Variants in MMS22L observed in about 807,000 individuals in gnomAD.
The protein encoded by MMS22L is protein MMS22-like.
Under a neutral mutation model 159.1 loss-of-function variants are expected in MMS22L, and 74 were observed. The observed-to-expected ratio is 0.47, with a 90% CI of 0.39 to 0.56. The LOEUF is 0.56. MMS22L is among the 20% of genes least tolerant of loss of function. MMS22L has a pLI of 0.00. For synonymous variants in MMS22L, 517 were observed against 506.9 expected (o/e 1.02, Z -0.27); for missense variants, 1,351 against 1,422.1 (o/e 0.95, Z 0.80).
chr6:97,194,335 C>T (rs1053576190), intron 14 of MMS22L, among the ~76,000 whole-genome samples: 3 of 152,172 alleles, frequency 2.0e-5, no homozygotes, highest in African/African-American at 4.8e-5. Context: ...GGATTCTAGG[C>T]GTTAGCCACC....
intron 22 of MMS22L, 124 bp downstream of exon 22, chr6:97,161,878 G>C: frequency 1.2e-6 from 1 of 852,136 alleles, no homozygotes; most frequent in Non-Finnish European, 1.8e-6. Flanking sequence ...CTTTAACCAT[G>C]ACCCATATCA....
chr6:97,173,207 A>C lies in MMS22L; in HGVS notation c.2695T>G (p.Tyr899Asp). 6.2e-7 allele frequency: 1 copy of C among 1,613,086 alleles called. No individual in the cohort carries two copies. Among genetic ancestry groups the C allele is most frequent in the Non-Finnish European group, 8.5e-7 (1 of 1,179,664 alleles). Reference sequence around the variant, plus strand: ...TCAGAAAGTGTCTGGACGTTCCCGTAAGTTACACCAACAGCCTATAAATAA... The same window carrying C: ...TCAGAAAGTGTCTGGACGTTCCCGTCAGTTACACCAACAGCCTATAAATAA... ...VRFFEAVGVT[Y>D]GNVQTLSDKS... Residue 899 changes from tyrosine to aspartate, a missense_variant, in exon 19 of 25, where the codon TAC becomes GAC. Transcript: ENST00000683635.
chr6:97,246,308 A>G (rs1812636557), intron 11 of MMS22L, among the ~76,000 whole-genome samples: 1 of 152,190 alleles, frequency 6.6e-6, no homozygotes, highest in Non-Finnish European at 1.5e-5. Flanking sequence ...TTCAATGCCA[A>G]TGACTATCTC....
At chr6:97,149,350 A>C (rs1420621382) in intron 24 of MMS22L, among the ~76,000 whole-genome samples, 2 of 152,174 alleles carry the variant, frequency 1.3e-5, no homozygotes, top group African/African-American at 2.4e-5. Context: ...CACTATTTTC[A>C]GTTGAGTTAT....
intron 16 of MMS22L, 33 bp from the exon 17 acceptor site, chr6:97,179,592 CA>C: frequency 1.3e-6 from 2 of 1,571,836 alleles, no homozygotes; most frequent in South Asian, 2.4e-5. Flanking sequence ...ATTTTTAAAA[CA>C]AAAACGTTTC....
intron 4 of MMS22L, among the ~76,000 whole-genome samples, chr6:97,276,765 C>A (rs754624441): frequency 1.1e-4 from 17 of 152,224 alleles, no homozygotes; most frequent in South Asian, 2.1e-4. Flanking sequence ...AGACCCAGAT[C>A]TGGCATCATT....
intron 14 of MMS22L, among the ~76,000 whole-genome samples, chr6:97,215,091 A>AATATATATATATATATAT (rs1167446221): frequency 1.5e-4 from 21 of 141,276 alleles, no homozygotes; most frequent in Middle Eastern, 3.6e-3. Context: ...TCATGTTTTA[A>AATATATATATATATATAT]ATATATATAT....
chr6:97,226,033 C>T (rs1322065961), intron 14 of MMS22L, among the ~76,000 whole-genome samples: 1 of 152,146 alleles, frequency 6.6e-6, no homozygotes, highest in East Asian at 1.9e-4. Context: ...AATGCACATA[C>T]ACCAATTCAT....
intron 21 of MMS22L, among the ~76,000 whole-genome samples, chr6:97,164,470 A>G (rs1168161314): frequency 6.6e-6 from 1 of 152,020 alleles, no homozygotes; most frequent in African/African-American, 2.4e-5. Flanking sequence ...AAGTTAAAGG[A>G]TATAGACTTA....
chr6:97,159,482 T>C (rs1474854161), intron 22 of MMS22L, among the ~76,000 whole-genome samples: 2 of 152,030 alleles, frequency 1.3e-5, no homozygotes, highest in Non-Finnish European at 2.9e-5. Flanking sequence ...TTATATAATA[T>C]CTACAAATGT....
At chr6:97,213,557 G>C (rs1808629873) in intron 14 of MMS22L, among the ~76,000 whole-genome samples, 2 of 152,172 alleles carry the variant, frequency 1.3e-5, no homozygotes, top group Admixed American at 6.5e-5. Context: ...AGTGTTCATA[G>C]TGGCTCCCTT....
intron 11 of MMS22L, among the ~76,000 whole-genome samples, chr6:97,243,531 G>T (rs1812306997): frequency 6.6e-6 from 1 of 151,748 alleles, no homozygotes; most frequent in Non-Finnish European, 1.5e-5. Context: ...ACATTTCTCT[G>T]TTGCCTCCTT....
intron 8 of MMS22L, chr6:97,267,482 A>G (rs1815246943): frequency 6.6e-6 from 1 of 152,492 alleles, no homozygotes; most frequent in African/African-American, 2.4e-5. Flanking sequence ...GTGTAAAGTA[A>G]CTTTAAGTAA....
At chr6:97,192,300 C>A (rs958641278) in intron 14 of MMS22L, among the ~76,000 whole-genome samples, 1 of 152,086 alleles carries the variant, frequency 6.6e-6, no homozygotes, top group Admixed American at 6.5e-5. Flanking sequence ...TGCTTACCGT[C>A]ACATATAATT....
chr6:97,277,611 ATAC>A (rs1816367152), intron 4 of MMS22L, among the ~76,000 whole-genome samples: 1 of 152,032 alleles, frequency 6.6e-6, no homozygotes, highest in South Asian at 2.1e-4. Flanking sequence ...GACCAGGACA[ATAC>A]TTTTTTACTA....
chr6:97,161,943 A>T, intron 22 of MMS22L, 59 bp downstream of exon 22: 1 of 1,503,396 alleles, frequency 6.7e-7, no homozygotes, highest in Non-Finnish European at 9.1e-7. Context: ...TTGAGGGGAA[A>T]CAGTAGTTTC....
intron 14 of MMS22L, among the ~76,000 whole-genome samples, chr6:97,195,440 T>C (rs552047803): frequency 1.3e-5 from 2 of 152,086 alleles, no homozygotes; most frequent in South Asian, 2.1e-4. Flanking sequence ...AAGGAATATA[T>C]AAAAGAACAA....
intron 18 of MMS22L, among the ~76,000 whole-genome samples, chr6:97,174,272 A>AAT (rs1224534890): frequency 1.1e-4 from 16 of 151,404 alleles, no homozygotes; most frequent in African/African-American, 3.9e-4. Context: ...AAAAAAAAAA[A>AAT]AAAATAAAAA....
intron 4 of MMS22L, 47 bp from the exon 5 acceptor site, chr6:97,273,109 TGG>T (rs773230694): frequency 4.8e-6 from 7 of 1,473,584 alleles, no homozygotes; most frequent in Admixed American, 4.2e-5. Context: ...ATAATTATCA[TGG>T]GCAGTGACAA....
Sources: gnomAD v4.1 joint callset for allele counts (sites outside exome capture counted in the v4.1 genomes callset) on GRCh38, gnomAD v4.1.1 for gene constraint, MANE v1.5 for transcripts, NCBI Gene and HGNC (gene_info 2026-07-23, HGNC 2026-07-21) for gene names.